HEMK2: variants seen among roughly 807,000 people sequenced by gnomAD.
The protein encoded by HEMK2 is methyltransferase HEMK2.
the HEMK2 span, among the ~76,000 whole-genome samples, chr21:28,607,398 G>A: frequency 3.3e-5 from 5 of 151,920 alleles, no homozygotes; most frequent in Non-Finnish European, 5.9e-5. Context: ...GCAATACAGC[G>A]AGACTCCATC....
At chr21:28,592,817 G>C in the HEMK2 span, among the ~76,000 whole-genome samples, 2 of 152,146 alleles carry the variant, frequency 1.3e-5, no homozygotes, top group Non-Finnish European at 2.9e-5. Flanking sequence ...TCTTGGGTTT[G>C]ATTTTACTGC....
At chr21:28,828,470 T>C in the HEMK2 span, among the ~76,000 whole-genome samples, 95 of 152,300 alleles carry the variant, frequency 6.2e-4, no homozygotes, top group African/African-American at 2.3e-3. Context: ...TAAGAACTAC[T>C]AGGTGAACAC....
chr21:28,835,181 G>A, the HEMK2 span, among the ~76,000 whole-genome samples: 1 of 152,030 alleles, frequency 6.6e-6, no homozygotes, highest in African/African-American at 2.4e-5. Context: ...CTGGCAGAAG[G>A]TCAACCAGCA....
At chr21:28,806,672 G>A in the HEMK2 span, among the ~76,000 whole-genome samples, 1 of 152,134 alleles carries the variant, frequency 6.6e-6, no homozygotes, top group Admixed American at 6.6e-5. Context: ...AAGGGAAAAT[G>A]GGACAGACAT....
chr21:28,789,222 A>G, the HEMK2 span, among the ~76,000 whole-genome samples: 1 of 152,154 alleles, frequency 6.6e-6, no homozygotes, highest in Non-Finnish European at 1.5e-5. Flanking sequence ...TTTATCTTCT[A>G]TATGTGGCAA....
chr21:28,606,017 C>A, the HEMK2 span, among the ~76,000 whole-genome samples: 1 of 152,136 alleles, frequency 6.6e-6, no homozygotes, highest in African/African-American at 2.4e-5. Context: ...AACACACACA[C>A]ACACATACAC....
At chr21:28,761,876 G>A in the HEMK2 span, among the ~76,000 whole-genome samples, 1 of 152,186 alleles carries the variant, frequency 6.6e-6, no homozygotes, top group African/African-American at 2.4e-5. Flanking sequence ...TTGAAAAGAC[G>A]AAGATTGGAA....
chr21:28,885,362 C>CCATGCGCGTGCGCAGGGCGTGCGCATGCG, the HEMK2 span: 110 of 1,535,504 alleles, frequency 7.2e-5, no homozygotes, highest in Non-Finnish European at 8.1e-5. Flanking sequence ...TCGCTGCGTT[C>CCATGCGCGTGCGCAGGGCGTGCGCATGCG]CATGCGCGTG....
chr21:28,594,531 G>A, the HEMK2 span, among the ~76,000 whole-genome samples: 1 of 152,132 alleles, frequency 6.6e-6, no homozygotes, highest in African/African-American at 2.4e-5. Context: ...TCTGACTGCA[G>A]GGTGCATGCT....
the HEMK2 span, chr21:28,743,381 A>G: frequency 6.6e-6 from 1 of 152,244 alleles, no homozygotes; most frequent in Non-Finnish European, 1.5e-5. Context: ...CTTCAACAAC[A>G]GAAATTTATT....
At chr21:28,856,399 G>C in the HEMK2 span, among the ~76,000 whole-genome samples, 1 of 150,794 alleles carries the variant, frequency 6.6e-6, no homozygotes, top group Non-Finnish European at 1.5e-5. Flanking sequence ...TGGATTGACA[G>C]AGCAAGACTC....
At chr21:28,671,534 TAGA>T in the HEMK2 span, among the ~76,000 whole-genome samples, 1 of 152,180 alleles carries the variant, frequency 6.6e-6, no homozygotes, top group Non-Finnish European at 1.5e-5. Flanking sequence ...TTTCTGGGAC[TAGA>T]AGAAGTGATT....
chr21:28,839,193 A>C, the HEMK2 span, among the ~76,000 whole-genome samples: 1 of 151,684 alleles, frequency 6.6e-6, no homozygotes, highest in Non-Finnish European at 1.5e-5. Context: ...TAAAACTCTC[A>C]ACAAAATCAG....
the HEMK2 span, chr21:28,885,309 G>A: frequency 1.2e-5 from 19 of 1,588,030 alleles, no homozygotes; most frequent in East Asian, 2.3e-5. Context: ...CGGCCCACGT[G>A]CCCGTGGAAC....
the HEMK2 span, among the ~76,000 whole-genome samples, chr21:28,692,459 GAAAGT>G: frequency 2.0e-5 from 3 of 151,834 alleles, no homozygotes; most frequent in Non-Finnish European, 2.9e-5. Flanking sequence ...TTACAATAAG[GAAAGT>G]AAAGTAAAAA....
chr21:28,842,779 T>C, the HEMK2 span, among the ~76,000 whole-genome samples: 3 of 152,156 alleles, frequency 2.0e-5, no homozygotes, highest in Admixed American at 2.0e-4. Context: ...GAGACAAAGG[T>C]AGAATATCCC....
At chr21:28,708,569 A>C in the HEMK2 span, among the ~76,000 whole-genome samples, 1 of 152,246 alleles carries the variant, frequency 6.6e-6, no homozygotes, top group African/African-American at 2.4e-5. Flanking sequence ...TAGCTATGAC[A>C]GTTGTCAACA....
chr21:28,881,590 T>TA, the HEMK2 span, among the ~76,000 whole-genome samples: 1,207 of 151,810 alleles, frequency 8.0e-3, 46 homozygotes, highest in South Asian at 0.11. Context: ...ATAGCATTCT[T>TA]AGAGTTCCTG....
At chr21:28,685,413 T>C in the HEMK2 span, among the ~76,000 whole-genome samples, 1 of 152,196 alleles carries the variant, frequency 6.6e-6, no homozygotes, top group South Asian at 2.1e-4. Flanking sequence ...CATCAGAAAG[T>C]CACAAAGAGC....
Sources: gnomAD v4.1 joint callset for allele counts (sites outside exome capture counted in the v4.1 genomes callset) on GRCh38, gnomAD v4.1.1 for gene constraint, MANE v1.5 for transcripts, NCBI Gene and HGNC (gene_info 2026-07-23, HGNC 2026-07-21) for gene names.